The following PLCG2 variants were observed in gnomAD, a reference collection of about 807,000 sequenced individuals.
PLCG2 encodes the protein 1-phosphatidylinositol 4,5-bisphosphate phosphodiesterase gamma-2.
In PLCG2, 69 loss-of-function variants were observed where a neutral mutation model predicts 175.6. The ratio of observed to expected loss-of-function variants is 0.39; its 90% CI spans 0.32 to 0.48. The LOEUF (loss-of-function observed/expected upper bound fraction) is 0.48. PLCG2 is among the 20% of genes least tolerant of loss of function. The probability of loss-of-function intolerance (pLI) is 0.91; values close to 1 mark genes in which losing one functional copy is unlikely to be tolerated. For missense variants in PLCG2, 1,798 were observed against 1,650.9 expected (o/e 1.09, Z -1.54); for synonymous variants, 827 against 624.0 (o/e 1.33, Z -4.85).
At chr16:81,827,492 A>G (rs1051883953) in intron 2 of PLCG2, among the ~76,000 whole-genome samples, 2 of 152,014 alleles carry the variant, frequency 1.3e-5, no homozygotes, top group Non-Finnish European at 2.9e-5. Context: ...CCCGGCCTGC[A>G]TTTATTTCTT....
At chr16:81,835,065 G>A (rs1242062401) in intron 2 of PLCG2, among the ~76,000 whole-genome samples, 1 of 144,476 alleles carries the variant, frequency 6.9e-6, no homozygotes, top group Non-Finnish European at 1.6e-5. Context: ...CCAAAGAGGA[G>A]GAAGTGGCCT....
intron 13 of PLCG2, among the ~76,000 whole-genome samples, chr16:81,896,900 A>G (rs1006153351): frequency 1.3e-5 from 2 of 152,230 alleles, no homozygotes; most frequent in African/African-American, 4.8e-5. Flanking sequence ...GTTCATTTCA[A>G]GGGTTTCTGA....
Position 81,937,738 on chromosome 16 carries a change from G to GCGTTCACTTT in PLCG2, c.3053-18_3053-9dup. 6.2e-7 allele frequency: 1 copy of GCGTTCACTTT among 1,610,298 alleles called. No individual in the cohort carries two copies. The highest frequency in any genetic ancestry group is 1.1e-5 in the South Asian group (1 of 90,708). On this transcript the variant is annotated intron_variant, in intron 27 of 32. Coordinates refer to ENST00000564138, the MANE Select transcript of PLCG2 (RefSeq NM_002661.5). The stretch of plus-strand genomic sequence containing the variant: ...CGTGCTCATGCCTGACTTACAGCAG[G>GCGTTCACTTT]CGTTCACTTTCCTTCCCAGATAAGT...
intron 2 of PLCG2, among the ~76,000 whole-genome samples, chr16:81,828,783 C>T (rs1232736933): frequency 2.0e-5 from 3 of 152,200 alleles, no homozygotes; most frequent in Admixed American, 6.5e-5. Flanking sequence ...TCCTGAGTGC[C>T]TGGTGAAGTC....
chr16:81,756,186 C>A (rs1046650075), intron 2 of PLCG2, among the ~76,000 whole-genome samples: 1 of 152,248 alleles, frequency 6.6e-6, no homozygotes, highest in Non-Finnish European at 1.5e-5. Flanking sequence ...AGCCCAGGAA[C>A]CGTCGGGGAG....
chr16:81,803,130 TTTTTG>T lies in PLCG2; in HGVS notation c.193+16950_193+16954del, dbSNP rs1359884024. Among the ~76,000 whole-genome samples, 962 of 140,284 alleles carry T rather than the reference TTTTTG, an allele frequency of 6.9e-3. 10 individuals carry two copies. The highest frequency in any genetic ancestry group is 0.023 in the African/African-American group (909 of 39,044). The allele number at this position is 140,284 out of a possible 152,430, so 92.0% of individuals were successfully genotyped here. A position where few individuals can be genotyped will look rare whatever the true frequency, so the allele number is the denominator to read the frequency against. ...GCATTTCACTTTTTTTTTTTTTTTT[TTTTTG>T]TGAGACGGAATCTCACTCTGTCGCC... On this transcript the variant is annotated intron_variant, in intron 2 of 32. Coordinates refer to ENST00000564138, the MANE Select transcript of PLCG2 (RefSeq NM_002661.5).
At chr16:81,928,812 C>A (rs770757450) in intron 24 of PLCG2, 188 bp downstream of exon 24, 1 of 521,014 alleles carries the variant, frequency 1.9e-6, no homozygotes, top group Non-Finnish European at 3.5e-6. Flanking sequence ...CTATTAATCT[C>A]TACTAAAACT....
chr16:81,782,127 C>G (rs1338453460), intron 1 of PLCG2, among the ~76,000 whole-genome samples: 2 of 152,076 alleles, frequency 1.3e-5, no homozygotes, highest in African/African-American at 4.8e-5. Flanking sequence ...CCGCCCACCT[C>G]GGCCTCCCAA....
intron 19 of PLCG2, among the ~76,000 whole-genome samples, chr16:81,914,244 G>C (rs1034600822): frequency 6.6e-6 from 1 of 152,220 alleles, no homozygotes; most frequent in Non-Finnish European, 1.5e-5. Flanking sequence ...AGACAGCTCT[G>C]ACACAACCGG....
intron 2 of PLCG2, among the ~76,000 whole-genome samples, chr16:81,802,640 C>T (rs1312519653): frequency 6.6e-6 from 1 of 151,902 alleles, no homozygotes; most frequent in Non-Finnish European, 1.5e-5. Context: ...GGCGCAATCT[C>T]AGCTCACTAC....
chr16:81,858,350 T>C lies in PLCG2; in HGVS notation c.425T>C (p.Ile142Thr). 6.2e-7 allele frequency: 1 copy of C among 1,612,496 alleles called. No homozygotes were observed. The highest frequency in any genetic ancestry group is 2.2e-5 in the East Asian group (1 of 44,886). The change falls in exon 4 of 33, where the codon ATC becomes ACC. Residue 142 changes from isoleucine to threonine, a missense_variant. Transcript: ENST00000564138. The stretch of plus-strand genomic sequence containing the variant: ...ATGAATGCGTCCACGCCCACCATTA[T>C]CGAGAGGTAGTTGGCTTTTGCCTGT... The part of the protein sequence containing the change: ...EAMNASTPTI[I>T]ESWLRKQIYS...
intron 2 of PLCG2, among the ~76,000 whole-genome samples, chr16:81,818,882 G>GGTTTTT: frequency 1.7e-5 from 1 of 59,646 alleles, no homozygotes; most frequent in Non-Finnish European, 2.9e-5. Flanking sequence ...TGGGCTCATG[G>GGTTTTT]ATTTTTTTTT....
chr16:81,888,357 C>G (rs1454538118), intron 9 of PLCG2, among the ~76,000 whole-genome samples: 1 of 151,336 alleles, frequency 6.6e-6, no homozygotes, highest in African/African-American at 2.4e-5. Flanking sequence ...ATTACAGGCA[C>G]CTGCCACCAC....
intron 2 of PLCG2, among the ~76,000 whole-genome samples, chr16:81,826,439 G>C (rs527479901): frequency 1.6e-4 from 24 of 152,346 alleles, no homozygotes; most frequent in Non-Finnish European, 2.8e-4. Flanking sequence ...GTGTGACCTT[G>C]AGGTCAAAGT....
At chr16:81,751,522 G>A (rs1175206366) in intron 1 of PLCG2, among the ~76,000 whole-genome samples, 1 of 152,146 alleles carries the variant, frequency 6.6e-6, no homozygotes, top group Non-Finnish European at 1.5e-5. Context: ...TCAGATAGGA[G>A]GAATATGGGT....
intron 2 of PLCG2, among the ~76,000 whole-genome samples, chr16:81,793,166 C>T (rs972478598): frequency 3.9e-5 from 6 of 152,190 alleles, no homozygotes; most frequent in Admixed American, 1.3e-4. Flanking sequence ...TTCCCTATTG[C>T]TTTCCAGGGG....
chr16:81,955,425 C>G (rs952586356), intron 31 of PLCG2, among the ~76,000 whole-genome samples: 1 of 152,194 alleles, frequency 6.6e-6, no homozygotes, highest in Non-Finnish European at 1.5e-5. Flanking sequence ...ACAGAGTAGT[C>G]AGGGATCCTC....
intron 5 of PLCG2, among the ~76,000 whole-genome samples, chr16:81,860,563 A>G (rs879532503): frequency 1.3e-5 from 2 of 152,190 alleles, no homozygotes; most frequent in African/African-American, 4.8e-5. Flanking sequence ...TTCATCTGCA[A>G]CCGAGGCAAC....
chr16:81,773,832 C>T (rs987648138), intron 2 of PLCG2, among the ~76,000 whole-genome samples: 12 of 152,208 alleles, frequency 7.9e-5, no homozygotes, highest in African/African-American at 2.2e-4. Context: ...AGAGAGTGAG[C>T]GACTGGGACT....
Sources: gnomAD v4.1 joint callset for allele counts (sites outside exome capture counted in the v4.1 genomes callset) on GRCh38, gnomAD v4.1.1 for gene constraint, MANE v1.5 for transcripts, NCBI Gene and HGNC (gene_info 2026-07-23, HGNC 2026-07-21) for gene names.